Variants in NRXN1 observed in about 807,000 individuals in gnomAD.
NRXN1 encodes the protein neurexin-1.
Under a neutral mutation model 150.9 loss-of-function variants are expected in NRXN1, and 39 were observed. That is an observed-to-expected ratio of 0.26 (90% CI 0.20 to 0.34). The LOEUF (loss-of-function observed/expected upper bound fraction) is 0.34, where lower values mean the gene tolerates loss of function less well. Among genes scored for constraint, NRXN1 ranks in the 10% least tolerant of loss-of-function variants. NRXN1 has a pLI of 1.00. For synonymous variants in NRXN1, 924 were observed against 757.0 expected, an observed-to-expected ratio of 1.22 and a Z score of -3.62; for missense variants, 1,815 against 1,949.9, an observed-to-expected ratio of 0.93 and a Z score of 1.30.
intron 18 of NRXN1, among the ~76,000 whole-genome samples, chr2:50,183,666 T>C (rs951708536): frequency 1.3e-5 from 2 of 150,388 alleles, no homozygotes; most frequent in Admixed American, 6.7e-5. Flanking sequence ...TTGTCACAAC[T>C]AGATACTATT....
At chr2:50,281,334 T>A (rs2071435025) in intron 17 of NRXN1, among the ~76,000 whole-genome samples, 1 of 150,588 alleles carries the variant, frequency 6.6e-6, no homozygotes, top group Non-Finnish European at 1.5e-5. Context: ...ATAATAATAA[T>A]AATAATCCAT....
At chr2:50,278,369 G>A (rs2070941837) in intron 17 of NRXN1, among the ~76,000 whole-genome samples, 1 of 142,666 alleles carries the variant, frequency 7.0e-6, no homozygotes, top group Non-Finnish European at 1.5e-5. Flanking sequence ...TAGCCAGGCT[G>A]GTGAACACCT....
In NRXN1 at chr2:50,550,686, A is replaced by AT. The variant is rs143835428; in HGVS notation, c.1759+1900dup. 2.8e-3 allele frequency among the ~76,000 whole-genome samples: 412 copies of AT among 145,482 alleles called. 1 individual carries two copies. Among genetic ancestry groups the AT allele is most frequent in the East Asian group, 7.6e-3 (37 of 4,874 alleles). ...CAGCTTATTTTTATTTTTATTTTTT[A>AT]TTTTTTTTTATTTTTGAGACAGTCT... On this transcript the variant is annotated intron_variant, in intron 9 of 22. Transcript: ENST00000401669.
chr2:50,938,281 G>A (rs1262442662), intron 2 of NRXN1, among the ~76,000 whole-genome samples: 1 of 152,114 alleles, frequency 6.6e-6, no homozygotes, highest in African/African-American at 2.4e-5. Flanking sequence ...TGTGCTCGAT[G>A]GCTATTATGT....
chr2:50,025,901 A>G (rs1418121266), intron 21 of NRXN1, among the ~76,000 whole-genome samples: 1 of 152,224 alleles, frequency 6.6e-6, no homozygotes, highest in Non-Finnish European at 1.5e-5. Flanking sequence ...TGCAAATATG[A>G]AAAGTAATGA....
intron 15 of NRXN1, among the ~76,000 whole-genome samples, chr2:50,479,286 T>C (rs1428618036): frequency 6.6e-6 from 1 of 152,182 alleles, no homozygotes. Context: ...GCTTGTGGTA[T>C]ACAATACTTC....
At chr2:50,249,700 T>G (rs974054468) in intron 17 of NRXN1, among the ~76,000 whole-genome samples, 1 of 151,768 alleles carries the variant, frequency 6.6e-6, no homozygotes, top group East Asian at 1.9e-4. Context: ...TGCAATGGTG[T>G]GATCTCAGCT....
chr2:50,868,839 C>G (rs889793214), intron 5 of NRXN1, among the ~76,000 whole-genome samples: 1 of 151,752 alleles, frequency 6.6e-6, no homozygotes, highest in Non-Finnish European at 1.5e-5. Context: ...CACTTAAATT[C>G]AAAGTATAAA....
chr2:50,771,725 T>C (rs1316379571), intron 5 of NRXN1, among the ~76,000 whole-genome samples: 2 of 152,058 alleles, frequency 1.3e-5, no homozygotes, highest in South Asian at 2.1e-4. Context: ...ATGCTACGAG[T>C]TTCCAGGAAT....
chr2:50,479,592 C>T (rs2090277850), intron 15 of NRXN1, among the ~76,000 whole-genome samples: 1 of 149,096 alleles, frequency 6.7e-6, no homozygotes, highest in African/African-American at 2.5e-5. Context: ...GTTGTTGACT[C>T]ACTGAATGAA....
At chr2:50,217,514 C>G (rs1311474475) in intron 18 of NRXN1, among the ~76,000 whole-genome samples, 1 of 151,952 alleles carries the variant, frequency 6.6e-6, no homozygotes, top group Non-Finnish European at 1.5e-5. Flanking sequence ...TTAAAACTCT[C>G]TAGGTATGTA....
chr2:50,384,737 G>A (rs1215062565), intron 17 of NRXN1, among the ~76,000 whole-genome samples: 2 of 146,554 alleles, frequency 1.4e-5, no homozygotes, highest in African/African-American at 5.0e-5. Flanking sequence ...TTCCTTTTTT[G>A]TTCAATACTT....
chr2:50,099,537 T>C (rs954125405), intron 18 of NRXN1, among the ~76,000 whole-genome samples: 3 of 152,168 alleles, frequency 2.0e-5, no homozygotes, highest in African/African-American at 7.2e-5. Context: ...TACAAAATTC[T>C]TAGCACATTT....
chr2:50,814,813 G>C (rs1355146207), intron 5 of NRXN1, among the ~76,000 whole-genome samples: 1 of 151,950 alleles, frequency 6.6e-6, no homozygotes, highest in Non-Finnish European at 1.5e-5. Context: ...TTATTATATT[G>C]AAATTCTGTA....
At chr2:50,987,854 G>A (rs1312692677) in intron 2 of NRXN1, among the ~76,000 whole-genome samples, 1 of 151,900 alleles carries the variant, frequency 6.6e-6, no homozygotes, top group Non-Finnish European at 1.5e-5. Context: ...CCAGTTTGTA[G>A]CAGCTGCAGA....
At chr2:50,485,269 C>T (rs556553050) in intron 15 of NRXN1, among the ~76,000 whole-genome samples, 2 of 152,280 alleles carry the variant, frequency 1.3e-5, no homozygotes, top group East Asian at 3.9e-4. Flanking sequence ...TATCAAGGAA[C>T]AGGTGAAATA....
At chr2:50,006,919 C>T (rs1684863314) in intron 21 of NRXN1, among the ~76,000 whole-genome samples, 1 of 152,014 alleles carries the variant, frequency 6.6e-6, no homozygotes, top group Non-Finnish European at 1.5e-5. Flanking sequence ...CAGGCTATCT[C>T]GAAGATGAAA....
At chr2:50,547,740 A>G (rs1008619067) in intron 9 of NRXN1, among the ~76,000 whole-genome samples, 1 of 152,270 alleles carries the variant, frequency 6.6e-6, no homozygotes, top group African/African-American at 2.4e-5. Flanking sequence ...TCATGCCTGC[A>G]CTTGGTATGG....
chr2:51,021,019 A>C (rs1355132257), intron 2 of NRXN1, among the ~76,000 whole-genome samples: 1 of 151,978 alleles, frequency 6.6e-6, no homozygotes, highest in Non-Finnish European at 1.5e-5. Flanking sequence ...TATTCAGCAA[A>C]GGCCGTGTAA....
Sources: allele counts gnomAD v4.1 joint callset (sites outside exome capture counted in the v4.1 genomes callset), GRCh38; gene constraint gnomAD v4.1.1; transcripts MANE v1.5; gene names NCBI Gene and HGNC (gene_info 2026-07-23, HGNC 2026-07-21).